ENOX2: variants seen among roughly 807,000 people sequenced by gnomAD.
ENOX2 encodes ecto-NOX disulfide-thiol exchanger 2, also known as APK1 antigen.
In ENOX2, 36 loss-of-function variants were observed where a neutral mutation model predicts 45.0. That is an observed-to-expected ratio of 0.80 (90% CI 0.61 to 1.06). The LOEUF is 1.06. Ranked by LOEUF, ENOX2 falls within the 50% of genes least tolerant of loss-of-function variation. The pLI, the probability that ENOX2 is intolerant of heterozygous loss-of-function variation, is 0.00. For synonymous variants in ENOX2, 174 were observed against 152.3 expected, an observed-to-expected ratio of 1.14 and a Z score of -1.05; for missense variants, 423 against 462.5, an observed-to-expected ratio of 0.91 and a Z score of 0.78.
chrX:130,799,667 T>C (rs2077186077), intron 2 of ENOX2, among the ~76,000 whole-genome samples: 1 of 111,098 alleles, frequency 9.0e-6, no homozygotes, highest in Non-Finnish European at 1.9e-5. Flanking sequence ...AAACATGTGA[T>C]CTGCCAGCTC....
chrX:130,660,915 A>G (rs1328302083), intron 9 of ENOX2, among the ~76,000 whole-genome samples: 1 of 111,717 alleles, frequency 9.0e-6, no homozygotes, highest in African/African-American at 3.3e-5. Flanking sequence ...TTCACACACT[A>G]CTCTATAATG....
intron 2 of ENOX2, among the ~76,000 whole-genome samples, chrX:130,855,196 G>A (rs2078286343): frequency 9.0e-6 from 1 of 111,344 alleles, no homozygotes; most frequent in South Asian, 3.7e-4. Flanking sequence ...AAGGTGAGAG[G>A]CTATAATTAA....
chrX:130,824,836 T>C (rs996214901), intron 2 of ENOX2, among the ~76,000 whole-genome samples: 1 of 111,826 alleles, frequency 8.9e-6, no homozygotes. Context: ...AGACATTATT[T>C]CATACCTATG....
At position 130,670,153 on chromosome X, in the gene ENOX2, C is replaced by T. The variant is rs779096947; in HGVS notation, c.506G>A (p.Gly169Asp). 8.3e-7 allele frequency: 1 copy of T among 1,211,036 alleles called. No individual in the cohort carries two copies. The highest frequency in any genetic ancestry group is 1.1e-6 in the Non-Finnish European group (1 of 895,147). ...LGSSTDKKDT[G>D]RLHVDFAQAR... ...CTGTGCGAAATCAACGTGGAGTCTG[C>T]CTGTGTCCTTCTTGTCAGTACTAGA... Residue 169 changes from glycine (G) to aspartate (D), a missense_variant, in exon 7 of 15, where the codon GGC becomes GAC. Transcript: ENST00000394363.
At chrX:130,705,364 T>G (rs1418702522) in intron 3 of ENOX2, among the ~76,000 whole-genome samples, 1 of 112,097 alleles carries the variant, frequency 8.9e-6, no homozygotes, top group African/African-American at 3.2e-5. Flanking sequence ...TCTGGACTAA[T>G]TAGGGGCGGG....
intron 10 of ENOX2, among the ~76,000 whole-genome samples, chrX:130,648,504 T>A (rs2036304920): frequency 9.0e-6 from 1 of 111,497 alleles, no homozygotes; most frequent in Non-Finnish European, 1.9e-5. Flanking sequence ...GAAGGTTTTA[T>A]CTAAAGGAAT....
intron 2 of ENOX2, among the ~76,000 whole-genome samples, chrX:130,803,069 G>A (rs991525815): frequency 5.1e-4 from 57 of 111,847 alleles, no homozygotes; most frequent in African/African-American, 1.7e-3. Flanking sequence ...CTTCTAAAAT[G>A]TAAGAATATG....
intron 1 of ENOX2, among the ~76,000 whole-genome samples, chrX:130,902,810 T>G (rs1603383733): frequency 2.5e-5 from 2 of 81,328 alleles, no homozygotes; most frequent in African/African-American, 4.8e-5. Context: ...GCGGGCGAGT[T>G]GGACCAAAAA....
intron 2 of ENOX2, among the ~76,000 whole-genome samples, chrX:130,826,776 A>G (rs767269223): frequency 1.7e-4 from 19 of 112,099 alleles, no homozygotes; most frequent in Non-Finnish European, 2.6e-4. Context: ...CTAATTTTAG[A>G]AAGTGATTTA....
At chrX:130,808,130 C>T (rs1222511338) in intron 2 of ENOX2, among the ~76,000 whole-genome samples, 2 of 112,440 alleles carry the variant, frequency 1.8e-5, no homozygotes, top group African/African-American at 6.5e-5. Flanking sequence ...GCAATTACTA[C>T]ATGCTAGGTT....
intron 3 of ENOX2, among the ~76,000 whole-genome samples, chrX:130,747,003 C>G (rs2039111950): frequency 8.9e-6 from 1 of 112,208 alleles, no homozygotes; most frequent in Non-Finnish European, 1.9e-5. Flanking sequence ...CTGTGCTTAT[C>G]TCCTACTCTT....
chrX:130,843,201 A>G (rs944191427), intron 2 of ENOX2, among the ~76,000 whole-genome samples: 1 of 110,789 alleles, frequency 9.0e-6, no homozygotes, highest in African/African-American at 3.3e-5. Context: ...AATGGCTCAC[A>G]CCCCACCTAG....
intron 6 of ENOX2, among the ~76,000 whole-genome samples, chrX:130,674,647 T>C (rs1395234050): frequency 9.0e-6 from 1 of 111,181 alleles, no homozygotes; most frequent in Non-Finnish European, 1.9e-5. Flanking sequence ...CTTTAAGTTT[T>C]AGGGTACATG....
chrX:130,781,566 G>A, intron 3 of ENOX2, among the ~76,000 whole-genome samples: 1 of 111,697 alleles, frequency 9.0e-6, no homozygotes. Flanking sequence ...CAGTTCAGGA[G>A]GTATTACCCT....
intron 4 of ENOX2, among the ~76,000 whole-genome samples, chrX:130,702,888 G>T (rs1342517767): frequency 9.0e-6 from 1 of 111,717 alleles, no homozygotes; most frequent in Non-Finnish European, 1.9e-5. Flanking sequence ...GCTGTTTAAA[G>T]CTTCAATGAC....
At chrX:130,806,877 T>C (rs1032017146) in intron 2 of ENOX2, among the ~76,000 whole-genome samples, 3 of 112,388 alleles carry the variant, frequency 2.7e-5, no homozygotes, top group African/African-American at 9.7e-5. Flanking sequence ...ATGAGAAAAC[T>C]GAGGTTTAAA....
intron 2 of ENOX2, among the ~76,000 whole-genome samples, chrX:130,883,312 C>T (rs1419110474): frequency 1.8e-5 from 2 of 110,992 alleles, no homozygotes; most frequent in African/African-American, 6.6e-5. Flanking sequence ...GGTTTTGCCA[C>T]GTTGGCCACG....
intron 4 of ENOX2, among the ~76,000 whole-genome samples, chrX:130,697,526 C>T (rs1326349808): frequency 8.9e-6 from 1 of 111,886 alleles, no homozygotes; most frequent in Non-Finnish European, 1.9e-5. Flanking sequence ...GGCCTTTGAG[C>T]TGTTGTCAGT....
At chrX:130,679,049 G>T (rs1195672981) in intron 6 of ENOX2, among the ~76,000 whole-genome samples, 1 of 111,366 alleles carries the variant, frequency 9.0e-6, no homozygotes, top group Non-Finnish European at 1.9e-5. Flanking sequence ...GAAGCACCAG[G>T]TGCTGTGAAA....
Sources: gnomAD v4.1 joint callset for allele counts (sites outside exome capture counted in the v4.1 genomes callset) on GRCh38, gnomAD v4.1.1 for gene constraint, MANE v1.5 for transcripts, NCBI Gene and HGNC (gene_info 2026-07-23, HGNC 2026-07-21) for gene names.